Variants in CGGBP1 observed in about 807,000 individuals in gnomAD.
The protein encoded by CGGBP1 is CGG triplet repeat-binding protein 1.
A neutral mutation model predicts 11.4 loss-of-function variants in CGGBP1; 4 were observed. The ratio of observed to expected loss-of-function variants is 0.35; its 90% CI spans 0.17 to 0.80. The LOEUF (loss-of-function observed/expected upper bound fraction) is 0.80. Ranked by LOEUF, CGGBP1 falls within the 30% of genes least tolerant of loss-of-function variation. CGGBP1 has a pLI of 0.52. For synonymous variants in CGGBP1, 76 were observed against 74.1 expected (o/e 1.03, Z -0.13); for missense variants, 135 against 202.1 (o/e 0.67, Z 2.01).
At chr3:88,073,194 C>T (rs1204249187) in intron 2 of CGGBP1, among the ~76,000 whole-genome samples, 15 of 152,088 alleles carry the variant, frequency 9.9e-5, no homozygotes, top group Admixed American at 6.6e-5. Flanking sequence ...TCCACCCAGA[C>T]GTACAGAATC....
rs145472486 is a variant in CGGBP1 at position 88,058,053 on chromosome 3, T to C, written c.-160A>G. The C allele has an allele frequency of 9.2e-4, 140 of 152,356 alleles. No homozygotes were observed. The highest frequency in any genetic ancestry group is 3.2e-3 in the African/African-American group (135 of 41,572). 9.4% of individuals were successfully genotyped at this position (152,356 alleles called of 1,614,324 possible). On this transcript the variant is annotated 5_prime_UTR_variant, in exon 2 of 4. Coordinates refer to ENST00000482016, the MANE Select transcript of CGGBP1 (RefSeq NM_001008390.2). ...TTCCAGTTTTTTTCGTCTTGATACT[T>C]AGCAGGGAATGGTCTCCAGAGCGAA... is the stretch of plus-strand genomic sequence containing the variant.
intron 2 of CGGBP1, among the ~76,000 whole-genome samples, chr3:88,133,950 A>G (rs1277133642): frequency 6.6e-6 from 1 of 152,142 alleles, no homozygotes; most frequent in African/African-American, 2.4e-5. Context: ...AAAGATTATC[A>G]GTTTTGCAGG....
chr3:88,141,884 T>C, intron 1 of CGGBP1: 1 of 378,012 alleles, frequency 2.6e-6, no homozygotes, highest in Admixed American at 4.3e-5. Flanking sequence ...AAAACCACAT[T>C]TTACAGTTTA....
chr3:88,066,747 C>T (rs1283323333), intron 2 of CGGBP1, among the ~76,000 whole-genome samples: 1 of 152,106 alleles, frequency 6.6e-6, no homozygotes, highest in Non-Finnish European at 1.5e-5. Flanking sequence ...ACTGAATTTT[C>T]TTGCTTTCCT....
chr3:88,131,720 A>T (rs1706475585), intron 2 of CGGBP1, among the ~76,000 whole-genome samples: 1 of 151,990 alleles, frequency 6.6e-6, no homozygotes, highest in South Asian at 2.1e-4. Flanking sequence ...CCTTCCTTCT[A>T]AATAGCGTGG....
At chr3:88,141,822 C>T in intron 1 of CGGBP1, 1 of 460,102 alleles carries the variant, frequency 2.2e-6, no homozygotes, top group Non-Finnish European at 3.8e-6. Flanking sequence ...CAGAGATGTG[C>T]TGGCTTAGAC....
At chr3:88,073,266 A>G (rs1469691639) in intron 2 of CGGBP1, among the ~76,000 whole-genome samples, 2 of 152,210 alleles carry the variant, frequency 1.3e-5, no homozygotes, top group Non-Finnish European at 2.9e-5. Context: ...AGTCTAATGC[A>G]TGCTAAAGTT....
chr3:88,103,741 T>TGAAA (rs1368100054), intron 2 of CGGBP1, among the ~76,000 whole-genome samples: 1 of 149,796 alleles, frequency 6.7e-6, no homozygotes, highest in African/African-American at 2.4e-5. Context: ...TTTAAAGTGA[T>TGAAA]GAAAGAAAGA....
At chr3:88,127,803 G>A (rs549323531) in intron 2 of CGGBP1, among the ~76,000 whole-genome samples, 30 of 152,254 alleles carry the variant, frequency 2.0e-4, no homozygotes, top group South Asian at 8.3e-4. Context: ...TTTGGGAAAA[G>A]CTGCTCTAGA....
intron 2 of CGGBP1, among the ~76,000 whole-genome samples, chr3:88,137,389 A>G (rs1332515180): frequency 6.6e-6 from 1 of 152,102 alleles, no homozygotes; most frequent in Non-Finnish European, 1.5e-5. Flanking sequence ...GATTTATAGG[A>G]GCAAACTAAG....
rs148376237 is a variant in CGGBP1 at position 88,070,817 on chromosome 3, C to G, written c.-228-12594G>C. Among the ~76,000 whole-genome samples, 213 of 152,196 alleles carry G rather than the reference C, an allele frequency of 1.4e-3. 2 individuals are homozygous for G. Among genetic ancestry groups the G allele is most frequent in the East Asian group, 5.8e-3 (30 of 5,166 alleles). On this transcript the variant is annotated intron_variant, in intron 2 of 3. Transcript: ENST00000462901. ...TATCGTCATTTTATGAATGATGCAG[C>G]TGAGACTCAGAGAGATTAAGCAACT...
intron 2 of CGGBP1, among the ~76,000 whole-genome samples, chr3:88,084,633 T>C (rs1708245560): frequency 6.6e-6 from 1 of 152,206 alleles, no homozygotes; most frequent in Admixed American, 6.5e-5. Flanking sequence ...GAGTACCTGG[T>C]ACTGCCATTT....
intron 2 of CGGBP1, among the ~76,000 whole-genome samples, chr3:88,116,164 A>G (rs1362267958): frequency 6.6e-6 from 1 of 152,230 alleles, no homozygotes; most frequent in African/African-American, 2.4e-5. Context: ...TCAGAAGTGC[A>G]TCAGGCATGC....
upstream of CGGBP1, among the ~76,000 whole-genome samples, chr3:88,060,127 T>C (rs562246394): frequency 9.2e-5 from 14 of 152,160 alleles, no homozygotes; most frequent in Non-Finnish European, 1.6e-4. Flanking sequence ...TCTTTTTTTT[T>C]AACCTCCTTC....
At chr3:88,146,363 T>C (rs1444824368) in intron 1 of CGGBP1, among the ~76,000 whole-genome samples, 4 of 152,198 alleles carry the variant, frequency 2.6e-5, no homozygotes, top group African/African-American at 9.6e-5. Flanking sequence ...AAGTCCCCTA[T>C]TAATAGCTCC....
chr3:88,067,430 A>G lies in CGGBP1; in HGVS notation c.-228-9207T>C, dbSNP rs553135949. ...CGGTTATCATAGCCGTGTGGATGGTATTCGAAGTCATATGTGTGAATGAGC... is the reference window on the plus strand; with the variant it reads ...CGGTTATCATAGCCGTGTGGATGGTGTTCGAAGTCATATGTGTGAATGAGC... On this transcript the variant is annotated intron_variant, in intron 2 of 3. Coordinates refer to the CGGBP1 transcript ENST00000462901. 5.8e-4 allele frequency among the ~76,000 whole-genome samples: 88 copies of G among 152,240 alleles called. 2 individuals carry two copies. In the South Asian group the frequency reaches 8.5e-3, roughly 15 times the overall value.
At chr3:88,139,281 G>C in intron 2 of CGGBP1, 1 of 1,560,610 alleles carries the variant, frequency 6.4e-7, no homozygotes. Flanking sequence ...TACTTCCAAA[G>C]TAGATCACAA....
rs188875140 is a variant in CGGBP1 at position 88,130,994 on chromosome 3, C to T, written c.-229+9976G>A. On this transcript the variant is annotated intron_variant, in intron 2 of 3. Transcript: ENST00000462901. ...ACACACACCTTTATATACAGTTATGCAGCACTTAATGATGGGGATATATTC... is the reference window on the plus strand; with the variant it reads ...ACACACACCTTTATATACAGTTATGTAGCACTTAATGATGGGGATATATTC... 7.2e-5 allele frequency among the ~76,000 whole-genome samples: 11 copies of T among 152,148 alleles called. No individual in the cohort carries two copies. In the East Asian group the frequency reaches 1.5e-3, roughly 21 times the overall value.
intron 1 of CGGBP1, among the ~76,000 whole-genome samples, chr3:88,146,050 C>G (rs1707307299): frequency 6.6e-6 from 1 of 152,150 alleles, no homozygotes; most frequent in Non-Finnish European, 1.5e-5. Context: ...ATTTCAAAGT[C>G]AAAGGATGAA....
Sources: gnomAD v4.1 joint callset for allele counts (sites outside exome capture counted in the v4.1 genomes callset) on GRCh38, gnomAD v4.1.1 for gene constraint, MANE v1.5 for transcripts, NCBI Gene and HGNC (gene_info 2026-07-23, HGNC 2026-07-21) for gene names.